Variants in TET3 observed in about 807,000 individuals in gnomAD.
The protein encoded by TET3 is methylcytosine dioxygenase TET3.
In TET3, 19 loss-of-function variants were observed where a neutral mutation model predicts 141.4. The ratio of observed to expected loss-of-function variants is 0.13; its 90% CI spans 0.09 to 0.20. The LOEUF (loss-of-function observed/expected upper bound fraction) is 0.20, where lower values mean the gene tolerates loss of function less well. Ranked by LOEUF, TET3 falls within the 10% of genes least tolerant of loss-of-function variation. TET3 has a pLI of 1.00. For synonymous variants in TET3, 1,043 were observed against 980.9 expected (o/e 1.06, Z -1.18); for missense variants, 1,874 against 2,356.9 (o/e 0.80, Z 4.24).
intron 2 of TET3, among the ~76,000 whole-genome samples, chr2:73,996,874 G>A (rs1243785751): frequency 6.6e-6 from 1 of 152,180 alleles, no homozygotes; most frequent in Admixed American, 6.5e-5. Flanking sequence ...GCCCATTGTG[G>A]GATAACTGGC....
intron 10 of TET3, among the ~76,000 whole-genome samples, chr2:74,097,119 AAAAAAAG>A (rs1420242749): frequency 6.9e-5 from 8 of 115,988 alleles, no homozygotes; most frequent in Non-Finnish European, 1.5e-4. Flanking sequence ...AAAGAAAAAA[AAAAAAAG>A]AAAAGCAGGT....
chr2:74,118,723 A>G, the TET3 span, among the ~76,000 whole-genome samples: 1 of 152,136 alleles, frequency 6.6e-6, no homozygotes, highest in African/African-American at 2.4e-5. Flanking sequence ...ATATATAAAC[A>G]TATATATAAC....
In TET3 at chr2:74,087,870, T is replaced by A. The variant is rs1690249521; in HGVS notation, c.2720T>A (p.Leu907Gln). Residue 907 changes from leucine to glutamine, a missense_variant, in exon 7 of 12, where the codon CTG becomes CAG. Coordinates refer to ENST00000409262, the MANE Select transcript of TET3 (RefSeq NM_001287491.2). This position sits in a 1 kb window ranked among gnomAD's most constrained non-coding sequence, Gnocchi z 4.3. ...RHTLEEKLLC[L>Q]VRHRAGHHCQ... Reference sequence around the variant, plus strand: ...ACGCTGGAGGAGAAGCTACTCTGCCTGGTGCGGCACCGGGCAGGCCACCAC... The same window carrying A: ...ACGCTGGAGGAGAAGCTACTCTGCCAGGTGCGGCACCGGGCAGGCCACCAC... The A allele has an allele frequency of 6.4e-7, 1 of 1,551,484 alleles. No homozygotes were observed. Among genetic ancestry groups the A allele is most frequent in the Non-Finnish European group, 8.7e-7 (1 of 1,146,964 alleles).
chr2:74,026,581 T>G (rs1051985936), intron 3 of TET3, among the ~76,000 whole-genome samples: 1 of 152,238 alleles, frequency 6.6e-6, no homozygotes, highest in Non-Finnish European at 1.5e-5. Flanking sequence ...CAGAACTCCC[T>G]TGTATAATAG....
rs866260523 is a variant in TET3, at chr2:74,089,104, A to G, written c.2889-793A>G. Reference sequence around the variant, plus strand: ...TCAAAAAAAAAAAAAAAAAAAAAAAAGACATAGAACAGTTCCATCTTCCCC... The same window carrying G: ...TCAAAAAAAAAAAAAAAAAAAAAAAGGACATAGAACAGTTCCATCTTCCCC... On this transcript the variant is annotated intron_variant, in intron 7 of 11. Transcript: ENST00000409262. Among the ~76,000 whole-genome samples, 978 of 144,274 alleles carry G rather than the reference A, an allele frequency of 6.8e-3. 1 individual carries two copies. The highest frequency in any genetic ancestry group is 0.018 in the Middle Eastern group (5 of 280). 94.6% of individuals were successfully genotyped at this position (144,274 alleles called of 152,430 possible).
In TET3 at chr2:74,104,915, G is replaced by A. The variant is rs563201368; in HGVS notation, c.*2739G>A. Reference sequence around the variant, plus strand: ...CAGAATGGCGTTTCCAGAGTTAGGCGGTGTGGTTGCCGTGCTCAAGCCCAT... The same window carrying A: ...CAGAATGGCGTTTCCAGAGTTAGGCAGTGTGGTTGCCGTGCTCAAGCCCAT... On this transcript the variant is annotated 3_prime_UTR_variant, in exon 12 of 12. Transcript: ENST00000409262. 29 of 354,706 alleles carry A rather than the reference G, an allele frequency of 8.2e-5. No individual in the cohort carries two copies. The South Asian group carries it at 3.5e-3, about 43-fold the overall frequency. 22.0% of individuals were successfully genotyped at this position (354,706 alleles called of 1,614,324 possible).
intron 10 of TET3, among the ~76,000 whole-genome samples, chr2:74,097,410 G>A (rs185040988): frequency 3.3e-5 from 5 of 152,256 alleles, no homozygotes; most frequent in East Asian, 3.9e-4. Context: ...CATAAAACTC[G>A]CAAAAGAAGG....
chr2:74,092,791 ACCTC>A, intron 8 of TET3, 107 bp from the exon 9 acceptor site: 1 of 906,182 alleles, frequency 1.1e-6, no homozygotes, highest in Non-Finnish European at 1.8e-6. Flanking sequence ...ACCTGATAAC[ACCTC>A]CCTCCCAGCC....
intron 8 of TET3, among the ~76,000 whole-genome samples, chr2:74,092,655 G>A (rs1251038506): frequency 2.6e-5 from 4 of 152,198 alleles, no homozygotes; most frequent in Admixed American, 2.6e-4. Context: ...AGGAGCAGTA[G>A]TTTAGCAGTC....
chr2:74,121,357 T>C, the TET3 span: 1 of 152,206 alleles, frequency 6.6e-6, no homozygotes, highest in Non-Finnish European at 1.5e-5. Context: ...AAGACATATG[T>C]AGCGATTGGG....
intron 3 of TET3, among the ~76,000 whole-genome samples, chr2:74,044,936 A>G (rs955441483): frequency 9.9e-5 from 15 of 152,240 alleles, no homozygotes; most frequent in African/African-American, 3.1e-4. Context: ...CCAAGTAAAA[A>G]TAGTGTGCTT....
intron 4 of TET3, among the ~76,000 whole-genome samples, chr2:74,060,677 C>T (rs978225605): frequency 3.3e-5 from 5 of 152,126 alleles, no homozygotes; most frequent in South Asian, 2.1e-4. Context: ...TGCGGCCTTC[C>T]GCAGTGTTTG....
intron 2 of TET3, among the ~76,000 whole-genome samples, chr2:73,987,058 G>GA (rs1421730210): frequency 6.6e-6 from 1 of 152,228 alleles, no homozygotes; most frequent in Non-Finnish European, 1.5e-5. Flanking sequence ...CTTGGTCAGT[G>GA]AGGGTGTAAG....
At chr2:73,988,758 AG>A (rs1684171587) in intron 2 of TET3, among the ~76,000 whole-genome samples, 1 of 152,194 alleles carries the variant, frequency 6.6e-6, no homozygotes, top group South Asian at 2.1e-4. Flanking sequence ...GAGAAACAAA[AG>A]GGGACAGTGG....
chr2:74,032,813 T>TC, intron 3 of TET3, among the ~76,000 whole-genome samples: 1 of 152,254 alleles, frequency 6.6e-6, no homozygotes, highest in Middle Eastern at 3.4e-3. Context: ...GGGGAGCGTG[T>TC]GCTGCCCAGG....
intron 3 of TET3, among the ~76,000 whole-genome samples, chr2:74,013,051 A>G (rs1442168439): frequency 2.0e-5 from 3 of 150,846 alleles, no homozygotes; most frequent in Admixed American, 6.6e-5. Flanking sequence ...CTGGAGCGCA[A>G]TGGCATGATC....
chr2:74,129,822 AGTGGCTCACGC>A, the TET3 span, among the ~76,000 whole-genome samples: 2 of 152,018 alleles, frequency 1.3e-5, no homozygotes, highest in Non-Finnish European at 2.9e-5. Context: ...GGCCAGGTGC[AGTGGCTCACGC>A]CTATAATCCC....
At chr2:74,080,468 G>C in intron 5 of TET3, 30 bp from the exon 6 acceptor site, 1 of 1,596,684 alleles carries the variant, frequency 6.3e-7, no homozygotes. Context: ...GTTCTGCTGT[G>C]CTAATGGTGG....
intron 3 of TET3, among the ~76,000 whole-genome samples, chr2:74,031,042 G>C (rs76647776): frequency 0.013 from 1,930 of 152,218 alleles, 21 homozygotes; most frequent in Non-Finnish European, 0.021. Context: ...AATGTGATGG[G>C]CTTAAGTTGC....
Sources: gnomAD v4.1 joint callset for allele counts (sites outside exome capture counted in the v4.1 genomes callset) on GRCh38, gnomAD v4.1.1 for gene constraint, Gnocchi (gnomAD v3.1) non-coding constraint, MANE v1.5 for transcripts, NCBI Gene and HGNC (gene_info 2026-07-23, HGNC 2026-07-21) for gene names.